CDH4: variants seen among roughly 807,000 people sequenced by gnomAD.
CDH4 encodes the protein cadherin 4.
Under a neutral mutation model 86.0 loss-of-function variants are expected in CDH4, and 33 were observed. The observed-to-expected ratio is 0.38, with a 90% CI of 0.29 to 0.51. CDH4 has a LOEUF of 0.51. Ranked by LOEUF, CDH4 falls within the 20% of genes least tolerant of loss-of-function variation. CDH4 has a pLI of 0.86. For synonymous variants in CDH4, 555 were observed against 549.4 expected, an observed-to-expected ratio of 1.01 and a Z score of -0.14; for missense variants, 1,114 against 1,307.4, an observed-to-expected ratio of 0.85 and a Z score of 2.28.
At chr20:61,354,996 A>G (rs957162520) in intron 2 of CDH4, among the ~76,000 whole-genome samples, 1 of 152,104 alleles carries the variant, frequency 6.6e-6, no homozygotes, top group Admixed American at 6.6e-5. Flanking sequence ...TTTTCCCATA[A>G]AGAAAAGCAA....
chr20:61,262,631 G>C (rs1182750611), intron 2 of CDH4, among the ~76,000 whole-genome samples: 1 of 152,144 alleles, frequency 6.6e-6, no homozygotes, highest in East Asian at 1.9e-4. Context: ...AGTGTATTTG[G>C]TGTGTGCATC....
chr20:61,294,818 G>C (rs1568785841), intron 2 of CDH4, among the ~76,000 whole-genome samples: 1 of 152,338 alleles, frequency 6.6e-6, no homozygotes, highest in South Asian at 2.1e-4. Context: ...CTGGACCAAA[G>C]CTCCCGATCT....
At chr20:61,786,699 T>A (rs1335902055) in intron 4 of CDH4, among the ~76,000 whole-genome samples, 1 of 152,248 alleles carries the variant, frequency 6.6e-6, no homozygotes, top group Admixed American at 6.5e-5. Context: ...CATCATTAAT[T>A]GAATATTCAG....
At chr20:61,565,017 C>G (rs2086253527) in intron 2 of CDH4, among the ~76,000 whole-genome samples, 1 of 140,022 alleles carries the variant, frequency 7.1e-6, no homozygotes, top group Non-Finnish European at 1.5e-5. Flanking sequence ...GGGTACCCAA[C>G]ACACTGCTGC....
intron 4 of CDH4, among the ~76,000 whole-genome samples, chr20:61,822,333 A>G (rs1981087556): frequency 6.6e-6 from 1 of 152,340 alleles, no homozygotes; most frequent in African/African-American, 2.4e-5. Flanking sequence ...GATGAGAGCA[A>G]TAATGTGGGA....
At chr20:61,435,652 C>T (rs75835578) in intron 2 of CDH4, 11,190 of 152,432 alleles carry the variant, frequency 0.073, 667 homozygotes, top group African/African-American at 0.16. Context: ...GCCCAGCCCA[C>T]AGAGCGGCTC....
intron 2 of CDH4, among the ~76,000 whole-genome samples, chr20:61,523,240 A>C (rs1324431496): frequency 1.3e-5 from 2 of 152,218 alleles, no homozygotes; most frequent in African/African-American, 2.4e-5. Flanking sequence ...AGGAGGCCTC[A>C]TCTCAGGCCA....
chr20:61,351,010 T>C (rs1158728459), intron 2 of CDH4, among the ~76,000 whole-genome samples: 3 of 152,170 alleles, frequency 2.0e-5, no homozygotes, highest in African/African-American at 7.2e-5. Context: ...AACAAACCTG[T>C]GTTCACGGTG....
At chr20:61,746,220 C>T (rs982867979) in intron 3 of CDH4, among the ~76,000 whole-genome samples, 27 of 152,210 alleles carry the variant, frequency 1.8e-4, no homozygotes, top group Non-Finnish European at 4.0e-4. Flanking sequence ...AAGGCAGGCC[C>T]TTGGGCAGCC....
chr20:61,870,359 G>T (rs539886185), intron 6 of CDH4, among the ~76,000 whole-genome samples: 1 of 152,346 alleles, frequency 6.6e-6, no homozygotes, highest in African/African-American at 2.4e-5. Flanking sequence ...GGCAGGGTGA[G>T]GAAGAGGCCA....
At chr20:61,666,394 C>T (rs866902024) in intron 2 of CDH4, among the ~76,000 whole-genome samples, 4 of 152,218 alleles carry the variant, frequency 2.6e-5, no homozygotes, top group South Asian at 2.1e-4. Context: ...CCCTGCAGCC[C>T]GAAGAAATCC....
chr20:61,816,765 G>A (rs1980738397), intron 4 of CDH4, among the ~76,000 whole-genome samples: 1 of 152,142 alleles, frequency 6.6e-6, no homozygotes, highest in Admixed American at 6.5e-5. Flanking sequence ...CCACACCAGT[G>A]GGGCATGACC....
chr20:61,553,120 C>G (rs759455504), intron 2 of CDH4, among the ~76,000 whole-genome samples: 4 of 152,148 alleles, frequency 2.6e-5, no homozygotes, highest in African/African-American at 7.2e-5. Context: ...GAATGAAGTC[C>G]GTATGCAAGC....
intron 2 of CDH4, among the ~76,000 whole-genome samples, chr20:61,263,693 C>T (rs979612499): frequency 6.6e-6 from 1 of 152,212 alleles, no homozygotes; most frequent in Non-Finnish European, 1.5e-5. Flanking sequence ...TTAAACAACA[C>T]AAAGTTATTA....
chr20:61,864,593 C>T (rs1983463042), intron 6 of CDH4, among the ~76,000 whole-genome samples: 1 of 152,178 alleles, frequency 6.6e-6, no homozygotes, highest in African/African-American at 2.4e-5. Context: ...ACACAAGGGG[C>T]CGTGGATCCA....
chr20:61,414,467 G>C (rs1439159752), intron 2 of CDH4, among the ~76,000 whole-genome samples: 1 of 152,212 alleles, frequency 6.6e-6, no homozygotes, highest in Non-Finnish European at 1.5e-5. Flanking sequence ...TCTGAGACAG[G>C]CAGGCACCCC....
At chr20:61,865,587 T>C (rs1164263338) in intron 6 of CDH4, among the ~76,000 whole-genome samples, 1 of 151,808 alleles carries the variant, frequency 6.6e-6, no homozygotes, top group Non-Finnish European at 1.5e-5. Flanking sequence ...GATAGGTCGC[T>C]TCCTGGCTCA....
intron 2 of CDH4, among the ~76,000 whole-genome samples, chr20:61,324,317 A>G (rs2084525464): frequency 6.6e-6 from 1 of 152,190 alleles, no homozygotes; most frequent in Non-Finnish European, 1.5e-5. Flanking sequence ...GGCTGCCACA[A>G]CAAATTTTCC....
At position 61,743,795 on chromosome 20, in the gene CDH4, G is replaced by C; in HGVS notation, c.396+6G>C. On this transcript the variant is annotated splice_donor_region_variant and intron_variant, in intron 3 of 15. Coordinates refer to ENST00000614565, the MANE Select transcript of CDH4 (RefSeq NM_001794.5). The stretch of plus-strand genomic sequence containing the variant: ...CCCCGCACTCTGGACACAAGGTAAG[G>C]TGTGACCGCCCGGGTCTGCGCTGGA... 6.3e-7 allele frequency: 1 copy of C among 1,584,404 alleles called. No individual in the cohort carries two copies. The highest frequency in any genetic ancestry group is 8.6e-7 in the Non-Finnish European group (1 of 1,164,280).
Sources: gnomAD v4.1 joint callset for allele counts (sites outside exome capture counted in the v4.1 genomes callset) on GRCh38, gnomAD v4.1.1 for gene constraint, MANE v1.5 for transcripts, NCBI Gene and HGNC (gene_info 2026-07-23, HGNC 2026-07-21) for gene names.